The following SLC24A3 variants were observed in gnomAD, a reference collection of about 807,000 sequenced individuals.
SLC24A3 encodes solute carrier family 24 member 3, also known as sodium/potassium/calcium exchanger 3.
SLC24A3 carries 28 observed loss-of-function variants against 75.8 expected under a neutral mutation model. The ratio of observed to expected loss-of-function variants is 0.37; its 90% confidence interval spans 0.27 to 0.51. The LOEUF (loss-of-function observed/expected upper bound fraction) is 0.51. SLC24A3 is among the 20% of genes least tolerant of loss of function. SLC24A3 has a pLI of 0.94. For missense variants in SLC24A3, 663 were observed against 847.8 expected (o/e 0.78, Z 2.71); for synonymous variants, 372 against 334.1 (o/e 1.11, Z -1.24).
chr20:19,292,413 A>G (rs1038391040), intron 2 of SLC24A3, among the ~76,000 whole-genome samples: 2 of 152,250 alleles, frequency 1.3e-5, no homozygotes, highest in Non-Finnish European at 2.9e-5. Flanking sequence ...CTAATACTAC[A>G]AAAACCCAGG....
chr20:19,283,843 T>C (rs1983731666), intron 2 of SLC24A3, among the ~76,000 whole-genome samples: 1 of 152,192 alleles, frequency 6.6e-6, no homozygotes, highest in Non-Finnish European at 1.5e-5. Context: ...TTCGTGAATT[T>C]CCCACCCTCT....
intron 3 of SLC24A3, among the ~76,000 whole-genome samples, chr20:19,551,476 G>C (rs1361663695): frequency 6.6e-6 from 1 of 152,180 alleles, no homozygotes; most frequent in Non-Finnish European, 1.5e-5. Flanking sequence ...TATTTTAAAT[G>C]AATTATGACT....
chr20:19,347,320 T>G (rs1985451102), intron 2 of SLC24A3, among the ~76,000 whole-genome samples: 1 of 152,180 alleles, frequency 6.6e-6, no homozygotes, highest in Non-Finnish European at 1.5e-5. Context: ...TTACATATTT[T>G]CAAAACTCAT....
intron 2 of SLC24A3, among the ~76,000 whole-genome samples, chr20:19,400,135 T>G (rs1454181013): frequency 6.6e-6 from 1 of 152,226 alleles, no homozygotes; most frequent in East Asian, 1.9e-4. Flanking sequence ...ATTGATTGAT[T>G]TATCTCCTCA....
At position 19,585,071 on chromosome 20, in the gene SLC24A3, A is replaced by T; in HGVS notation, c.508+16A>T. 6.2e-7 allele frequency: 1 copy of T among 1,603,868 alleles called. No homozygotes were observed. Among genetic ancestry groups the T allele is most frequent in the Non-Finnish European group, 8.5e-7 (1 of 1,171,520 alleles). On this transcript the variant is annotated intron_variant, in intron 5 of 16. Transcript: ENST00000328041. Reference sequence around the variant, plus strand: ...TCGGTCATAGGTAGGTGACAGACTGAGGGACATCTCAGACCTTCACTGTCT... The same window carrying T: ...TCGGTCATAGGTAGGTGACAGACTGTGGGACATCTCAGACCTTCACTGTCT...
chr20:19,421,905 T>C (rs6136722), intron 2 of SLC24A3, among the ~76,000 whole-genome samples: 87,720 of 151,966 alleles, frequency 0.58, 26,529 homozygotes, highest in East Asian at 0.91. Flanking sequence ...GCCAGGGAAC[T>C]CTTCGCACCT....
At chr20:19,298,373 A>G (rs1984110639) in intron 2 of SLC24A3, among the ~76,000 whole-genome samples, 1 of 152,186 alleles carries the variant, frequency 6.6e-6, no homozygotes, top group Non-Finnish European at 1.5e-5. Flanking sequence ...CTGACACACA[A>G]GTTGATTTGG....
chr20:19,595,051 C>A (rs967264636), intron 6 of SLC24A3, among the ~76,000 whole-genome samples: 5 of 152,160 alleles, frequency 3.3e-5, no homozygotes, highest in Non-Finnish European at 5.9e-5. Context: ...CAGTAAACTG[C>A]CAGCCATTGC....
chr20:19,247,098 AAG>A (rs1370747356), intron 1 of SLC24A3, among the ~76,000 whole-genome samples: 2 of 152,230 alleles, frequency 1.3e-5, no homozygotes, highest in African/African-American at 4.8e-5. Flanking sequence ...TTAAATAAAA[AAG>A]AATATAAATT....
intron 6 of SLC24A3, among the ~76,000 whole-genome samples, chr20:19,625,536 C>A (rs895215734): frequency 2.0e-5 from 3 of 152,134 alleles, no homozygotes; most frequent in African/African-American, 7.2e-5. Context: ...ACCAGCAATT[C>A]ACTGGGAAAA....
At chr20:19,512,470 A>T (rs2029901284) in intron 2 of SLC24A3, among the ~76,000 whole-genome samples, 1 of 152,226 alleles carries the variant, frequency 6.6e-6, no homozygotes, top group Non-Finnish European at 1.5e-5. Flanking sequence ...GCTGGCATGG[A>T]GACCCCTGAC....
chr20:19,540,359 G>A (rs921916237), intron 3 of SLC24A3, among the ~76,000 whole-genome samples: 18 of 152,198 alleles, frequency 1.2e-4, no homozygotes, highest in Non-Finnish European at 2.1e-4. Context: ...GGTGCTCCTC[G>A]AGAGAGACCT....
At chr20:19,478,539 G>T (rs1166841965) in intron 2 of SLC24A3, among the ~76,000 whole-genome samples, 1 of 152,116 alleles carries the variant, frequency 6.6e-6, no homozygotes, top group Non-Finnish European at 1.5e-5. Context: ...CATCCATTGT[G>T]GTTTGACTAA....
chr20:19,509,042 C>T (rs573905809), intron 2 of SLC24A3, among the ~76,000 whole-genome samples: 54 of 152,358 alleles, frequency 3.5e-4, no homozygotes, highest in Admixed American at 7.8e-4. Flanking sequence ...ACCAGGCCAG[C>T]ATGTCATTGT....
chr20:19,644,852 C>G (rs1398948786), intron 6 of SLC24A3, among the ~76,000 whole-genome samples: 1 of 152,092 alleles, frequency 6.6e-6, no homozygotes, highest in Admixed American at 6.5e-5. Context: ...GCTTCCAACT[C>G]TGAAAACTAG....
At chr20:19,290,883 C>A (rs994031486) in intron 2 of SLC24A3, among the ~76,000 whole-genome samples, 1 of 152,218 alleles carries the variant, frequency 6.6e-6, no homozygotes, top group Non-Finnish European at 1.5e-5. Flanking sequence ...GCACTACTCC[C>A]AAGCCCTGTG....
At chr20:19,253,392 C>T (rs1395340756) in intron 1 of SLC24A3, among the ~76,000 whole-genome samples, 1 of 152,232 alleles carries the variant, frequency 6.6e-6, no homozygotes, top group Non-Finnish European at 1.5e-5. Flanking sequence ...GTTGCCCTTG[C>T]CAAGCGTTAC....
chr20:19,273,024 C>A (rs1172839216), intron 1 of SLC24A3, among the ~76,000 whole-genome samples: 4 of 152,138 alleles, frequency 2.6e-5, no homozygotes, highest in Non-Finnish European at 5.9e-5. Flanking sequence ...CATCTTTGTG[C>A]CACCCTCACA....
At chr20:19,332,325 A>G (rs1044837981) in intron 2 of SLC24A3, among the ~76,000 whole-genome samples, 1 of 152,104 alleles carries the variant, frequency 6.6e-6, no homozygotes. Context: ...CCCCCTCAAC[A>G]GGGAGCAAGG....
Sources: allele counts gnomAD v4.1 joint callset (sites outside exome capture counted in the v4.1 genomes callset), GRCh38; gene constraint gnomAD v4.1.1; transcripts MANE v1.5; gene names NCBI Gene and HGNC (gene_info 2026-07-23, HGNC 2026-07-21).